Variants in STPG2 observed in about 807,000 individuals in gnomAD.
STPG2 encodes the protein sperm tail PG-rich repeat containing 2.
In STPG2, 56 loss-of-function variants were observed where a neutral mutation model predicts 54.2. The observed-to-expected ratio is 1.03, with a 90% CI of 0.83 to 1.29. The LOEUF (loss-of-function observed/expected upper bound fraction) is 1.29. Ranked by LOEUF, STPG2 falls within the 50% of genes most tolerant of loss-of-function variation. STPG2 has a pLI of 0.00. For missense variants in STPG2, 596 were observed against 544.9 expected (o/e 1.09, Z -0.93); for synonymous variants, 200 against 181.8 (o/e 1.10, Z -0.81).
At chr4:97,899,171 A>G (rs1008761025) in intron 8 of STPG2, among the ~76,000 whole-genome samples, 3 of 151,862 alleles carry the variant, frequency 2.0e-5, no homozygotes, top group African/African-American at 7.2e-5. Flanking sequence ...TTACCTATAC[A>G]CCAACAATAG....
At chr4:98,101,461 G>A (rs939089280) in intron 5 of STPG2, among the ~76,000 whole-genome samples, 1 of 152,096 alleles carries the variant, frequency 6.6e-6, no homozygotes, top group Non-Finnish European at 1.5e-5. Flanking sequence ...GTGCTAAGCT[G>A]AGAGGTGTGA....
intron 4 of STPG2, among the ~76,000 whole-genome samples, chr4:97,455,699 G>C (rs553657116): frequency 6.6e-6 from 1 of 152,292 alleles, no homozygotes; most frequent in South Asian, 2.1e-4. Context: ...AGAAGCCCAG[G>C]ATACAGAAAG....
At chr4:97,690,558 T>G (rs962832122) in intron 10 of STPG2, among the ~76,000 whole-genome samples, 8 of 152,160 alleles carry the variant, frequency 5.3e-5, no homozygotes, top group Non-Finnish European at 1.2e-4. Flanking sequence ...CCAATATTCT[T>G]AACCAGTACT....
chr4:97,801,514 A>G (rs1414617636), intron 9 of STPG2, among the ~76,000 whole-genome samples: 3 of 152,222 alleles, frequency 2.0e-5, no homozygotes, highest in Non-Finnish European at 2.9e-5. Flanking sequence ...TTCTTTTGCC[A>G]GTAATATAGA....
chr4:97,861,795 A>G (rs1223391568), intron 8 of STPG2, among the ~76,000 whole-genome samples: 2 of 152,166 alleles, frequency 1.3e-5, no homozygotes, highest in South Asian at 4.1e-4. Flanking sequence ...AGAATTTTCA[A>G]CCCAGAATTT....
At chr4:97,833,366 T>C (rs966257677) in intron 9 of STPG2, among the ~76,000 whole-genome samples, 1 of 152,098 alleles carries the variant, frequency 6.6e-6, no homozygotes, top group African/African-American at 2.4e-5. Flanking sequence ...CAAGATGAAT[T>C]AAACACTTAA....
At chr4:98,121,885 C>T (rs1038097287) in intron 3 of STPG2, among the ~76,000 whole-genome samples, 8 of 152,100 alleles carry the variant, frequency 5.3e-5, no homozygotes, top group African/African-American at 1.4e-4. Flanking sequence ...CCATGCCAAG[C>T]TAATTTTTGT....
chr4:97,931,211 C>T (rs984019496), intron 8 of STPG2, among the ~76,000 whole-genome samples: 47 of 152,296 alleles, frequency 3.1e-4, no homozygotes, highest in African/African-American at 1.1e-3. Context: ...CTAGGACTTC[C>T]AATACTATGC....
intron 4 of STPG2, among the ~76,000 whole-genome samples, chr4:97,544,083 A>C (rs1376156655): frequency 1.3e-5 from 2 of 152,122 alleles, no homozygotes; most frequent in Non-Finnish European, 2.9e-5. Context: ...ATATTTGTAA[A>C]ATAGCTTCCT....
intron 10 of STPG2, among the ~76,000 whole-genome samples, chr4:97,686,618 C>G (rs1723196106): frequency 6.6e-6 from 1 of 152,024 alleles, no homozygotes; most frequent in Admixed American, 6.6e-5. Flanking sequence ...TTCACATACT[C>G]CCCAATCTTT....
chr4:97,919,554 G>A (rs767443189), intron 8 of STPG2, among the ~76,000 whole-genome samples: 2 of 151,746 alleles, frequency 1.3e-5, no homozygotes, highest in African/African-American at 4.8e-5. Flanking sequence ...TTAACTTTAA[G>A]CAAATATATT....
At chr4:98,007,208 C>A (rs1735603286) in intron 5 of STPG2, among the ~76,000 whole-genome samples, 1 of 152,216 alleles carries the variant, frequency 6.6e-6, no homozygotes, top group Non-Finnish European at 1.5e-5. Context: ...ATCTTACCTG[C>A]AAGTGTGACC....
At chr4:97,504,783 T>C (rs572211720) in intron 4 of STPG2, among the ~76,000 whole-genome samples, 1 of 152,112 alleles carries the variant, frequency 6.6e-6, no homozygotes, top group East Asian at 1.9e-4. Context: ...GGGCTTGACA[T>C]GTTACTTAGA....
chr4:97,773,348 C>T (rs1726275415), intron 9 of STPG2, among the ~76,000 whole-genome samples: 1 of 152,042 alleles, frequency 6.6e-6, no homozygotes, highest in Non-Finnish European at 1.5e-5. Flanking sequence ...CAGACAGGGT[C>T]TTATTCTGTT....
rs115512699 is a variant in STPG2 at position 97,577,510 on chromosome 4, C to A, written c.1321-18393G>T. On this transcript the variant is annotated intron_variant, in intron 10 of 10. Transcript: ENST00000295268. ...CAGAAAAACAAATACCGCCTGTTCT[C>A]AGTTGTGGGAGCTAAACATTGGGTA... 3.5e-3 allele frequency among the ~76,000 whole-genome samples: 526 copies of A among 152,232 alleles called. 4 individuals are homozygous for A. Among genetic ancestry groups the A allele is most frequent in the African/African-American group, 0.012 (489 of 41,548 alleles).
intron 10 of STPG2, among the ~76,000 whole-genome samples, chr4:97,624,889 ATTGT>A (rs1472349009): frequency 6.6e-6 from 1 of 152,148 alleles, no homozygotes; most frequent in Non-Finnish European, 1.5e-5. Flanking sequence ...TCCTTCCCCC[ATTGT>A]TTGTTTTTGT....
chr4:97,911,162 T>A (rs1024449216), intron 8 of STPG2, among the ~76,000 whole-genome samples: 1 of 152,198 alleles, frequency 6.6e-6, no homozygotes, highest in Admixed American at 6.5e-5. Context: ...ATAAGATCCC[T>A]TCAAGCCCAG....
intron 8 of STPG2, among the ~76,000 whole-genome samples, chr4:97,875,543 A>T (rs539083868): frequency 6.6e-6 from 1 of 152,074 alleles, no homozygotes; most frequent in South Asian, 2.1e-4. Flanking sequence ...TTTCCACAGA[A>T]TTTTTTAAGA....
chr4:97,554,037 C>A (rs1732024584), downstream of STPG2, among the ~76,000 whole-genome samples: 1 of 152,186 alleles, frequency 6.6e-6, no homozygotes, highest in Admixed American at 6.6e-5. Context: ...TTATCTTTAA[C>A]TCTTCTAAAG....
Sources: gnomAD v4.1 joint callset for allele counts (sites outside exome capture counted in the v4.1 genomes callset) on GRCh38, gnomAD v4.1.1 for gene constraint, MANE v1.5 for transcripts, NCBI Gene and HGNC (gene_info 2026-07-23, HGNC 2026-07-21) for gene names.